Variants in ERAP1 observed in about 807,000 individuals in gnomAD.
ERAP1 encodes the protein adipocyte-derived leucine aminopeptidase.
A neutral mutation model predicts 103.7 loss-of-function variants in ERAP1; 86 were observed. That is an observed-to-expected ratio of 0.83 (90% confidence interval 0.70 to 0.99). ERAP1 has a LOEUF of 0.99. Among genes scored for constraint, ERAP1 ranks in the 50% least tolerant of loss-of-function variants. The pLI, the probability that ERAP1 is intolerant of heterozygous loss-of-function variation, is 0.00. For synonymous variants in ERAP1, 398 were observed against 402.4 expected, an observed-to-expected ratio of 0.99 and a Z score of 0.13; for missense variants, 1,009 against 1,128.4, an observed-to-expected ratio of 0.89 and a Z score of 1.52.
chr5:96,818,091 AAAT>A, the ERAP1 span, among the ~76,000 whole-genome samples: 9 of 152,236 alleles, frequency 5.9e-5, no homozygotes, highest in African/African-American at 1.4e-4. Flanking sequence ...TAAGAACAAA[AAAT>A]AATAATTGAG....
the ERAP1 span, among the ~76,000 whole-genome samples, chr5:96,870,165 G>GAGA: frequency 6.6e-6 from 1 of 152,276 alleles, no homozygotes; most frequent in Non-Finnish European, 1.5e-5. Flanking sequence ...TGAGAGTAAT[G>GAGA]AGAAAGGCAG....
chr5:96,883,732 G>C, the ERAP1 span: 1 of 1,545,110 alleles, frequency 6.5e-7, no homozygotes, highest in Non-Finnish European at 8.7e-7. Context: ...TGAATGTACA[G>C]ATTCATTTCT....
downstream of ERAP1, chr5:96,771,563 G>A: frequency 1.0e-6 from 1 of 1,004,178 alleles, no homozygotes; most frequent in South Asian, 1.5e-5. Flanking sequence ...GCCATCTTTT[G>A]TCCCCTAATT....
chr5:96,779,331 A>G (rs928722877), intron 18 of ERAP1: 16 of 152,382 alleles, frequency 1.0e-4, no homozygotes, highest in African/African-American at 3.6e-4. Flanking sequence ...GATCTTGTCT[A>G]TAGATGACTA....
chr5:96,911,341 T>A, the ERAP1 span, among the ~76,000 whole-genome samples: 2 of 152,212 alleles, frequency 1.3e-5, no homozygotes, highest in East Asian at 3.8e-4. Flanking sequence ...GAGACATCAA[T>A]AACAGTTCTT....
the ERAP1 span, chr5:96,913,564 G>A: frequency 3.1e-5 from 41 of 1,314,474 alleles, no homozygotes; most frequent in Non-Finnish European, 4.2e-5. Context: ...AATACCATTT[G>A]TATCCAAATA....
At chr5:96,916,456 C>CTT in the ERAP1 span, among the ~76,000 whole-genome samples, 990 of 97,602 alleles carry the variant, frequency 0.01, 12 homozygotes, top group African/African-American at 0.018. Flanking sequence ...TTCTAGTTAT[C>CTT]TTTTTTTTTT....
chr5:96,914,829 T>C, the ERAP1 span, among the ~76,000 whole-genome samples: 1 of 152,168 alleles, frequency 6.6e-6, no homozygotes, highest in Non-Finnish European at 1.5e-5. Context: ...GATGAGGAAG[T>C]GTGCAAGAAG....
At chr5:96,882,386 C>T in the ERAP1 span, among the ~76,000 whole-genome samples, 1 of 152,142 alleles carries the variant, frequency 6.6e-6, no homozygotes, top group African/African-American at 2.4e-5. Flanking sequence ...GCAGGCTATT[C>T]CTGATGCTCC....
the ERAP1 span, among the ~76,000 whole-genome samples, chr5:96,914,657 G>A: frequency 1.3e-5 from 2 of 152,182 alleles, no homozygotes; most frequent in East Asian, 3.8e-4. Flanking sequence ...AGCTGTAACT[G>A]TGCTCTGCTT....
intron 19 of ERAP1, among the ~76,000 whole-genome samples, chr5:96,767,740 T>G (rs1402984204): frequency 6.6e-6 from 1 of 152,140 alleles, no homozygotes; most frequent in African/African-American, 2.4e-5. Context: ...CCATCAAGAT[T>G]TTCTTGTTTT....
chr5:96,846,959 G>T, the ERAP1 span, among the ~76,000 whole-genome samples: 5 of 148,368 alleles, frequency 3.4e-5, no homozygotes, highest in African/African-American at 1.2e-4. Context: ...TTGAGTACAG[G>T]GCCGGGTGCG....
At chr5:96,793,083 T>C (rs933666532) in intron 7 of ERAP1, among the ~76,000 whole-genome samples, 27 of 152,198 alleles carry the variant, frequency 1.8e-4, no homozygotes, top group African/African-American at 6.0e-4. Flanking sequence ...AATTCTGCAA[T>C]GAGCAACCTG....
rs1455778099 is a variant in ERAP1 at position 96,790,283 on chromosome 5, T to TA, written c.1524+12dup. 1 of 1,612,606 alleles carries TA rather than the reference T, an allele frequency of 6.2e-7. No individual in the cohort carries two copies. ...ATGTGCTTGGGGGAACATGTACAGA[T>TA]ATAGAAACTTACTGAGGATGAAGAT... On this transcript the variant is annotated intron_variant, in intron 10 of 18. Transcript: ENST00000443439.
At chr5:96,842,702 C>A in the ERAP1 span, among the ~76,000 whole-genome samples, 2 of 152,118 alleles carry the variant, frequency 1.3e-5, no homozygotes, top group African/African-American at 4.8e-5. Context: ...ATATAGCATG[C>A]AAAAATTTTC....
the ERAP1 span, chr5:96,879,777 A>G: frequency 5.6e-5 from 90 of 1,614,096 alleles, no homozygotes; most frequent in Non-Finnish European, 7.2e-5. Flanking sequence ...ATCTTGCCCC[A>G]AATATGCATT....
chr5:96,795,695 C>T (rs950182049), intron 4 of ERAP1, among the ~76,000 whole-genome samples: 2 of 152,222 alleles, frequency 1.3e-5, no homozygotes, highest in East Asian at 1.9e-4. Flanking sequence ...AAGGAAACTA[C>T]AAGTAAAGTG....
At chr5:96,889,063 A>T in the ERAP1 span, 1 of 1,170,760 alleles carries the variant, frequency 8.5e-7, no homozygotes, top group Non-Finnish European at 1.2e-6. Context: ...CAACATGCTT[A>T]ATGGTATCTT....
intron 19 of ERAP1, chr5:96,767,496 GA>G: frequency 1.2e-6 from 2 of 1,607,802 alleles, no homozygotes; most frequent in Middle Eastern, 3.3e-4. Flanking sequence ...AAGACCATAG[GA>G]ACATATTTCC....
Sources: allele counts gnomAD v4.1 joint callset (sites outside exome capture counted in the v4.1 genomes callset), GRCh38; gene constraint gnomAD v4.1.1; transcripts MANE v1.5; gene names NCBI Gene and HGNC (gene_info 2026-07-23, HGNC 2026-07-21).